The following NRXN3 variants were observed in gnomAD, a reference collection of about 807,000 sequenced individuals.
The protein encoded by NRXN3 is neurexin 3.
A neutral mutation model predicts 137.6 loss-of-function variants in NRXN3; 32 were observed. The observed-to-expected ratio is 0.23, with a 90% CI of 0.18 to 0.31. The LOEUF is 0.31. Among genes scored for constraint, NRXN3 ranks in the 10% least tolerant of loss-of-function variants. The pLI is 1.00. For synonymous variants in NRXN3, 798 were observed against 784.5 expected, an observed-to-expected ratio of 1.02 and a Z score of -0.29; for missense variants, 1,574 against 2,062.5, an observed-to-expected ratio of 0.76 and a Z score of 4.59.
chr14:78,586,527 G>C (rs1191675056), intron 4 of NRXN3, among the ~76,000 whole-genome samples: 2 of 152,200 alleles, frequency 1.3e-5, no homozygotes, highest in Non-Finnish European at 2.9e-5. Context: ...TAAGTATTCA[G>C]TAAATGCTCT....
rs539428370 is a variant in NRXN3 at position 78,290,416 on chromosome 14, C to T, written c.728-7415C>T. Among the ~76,000 whole-genome samples the T allele has an allele frequency of 3.3e-5, 5 of 152,212 alleles. No homozygotes were observed. In the East Asian group the frequency reaches 9.7e-4, roughly 29 times the overall value. On this transcript the variant is annotated intron_variant, in intron 3 of 20. Transcript: ENST00000335750. ...GGCTCTGCTGTAAGGAACTAGTGAA[C>T]CCTGGGCAGAAAAAGTAGATTCAGG...
intron 6 of NRXN3, among the ~76,000 whole-genome samples, chr14:78,654,435 T>C (rs2097770379): frequency 6.6e-6 from 1 of 152,276 alleles, no homozygotes; most frequent in African/African-American, 2.4e-5. Flanking sequence ...CTATGCAATT[T>C]CTGCTCCAGA....
At chr14:79,364,149 A>G (rs2093787701) in intron 15 of NRXN3, among the ~76,000 whole-genome samples, 1 of 152,110 alleles carries the variant, frequency 6.6e-6, no homozygotes, top group African/African-American at 2.4e-5. Flanking sequence ...TTGTTGCTTC[A>G]ATTCACTCCA....
At chr14:79,852,352 A>T (rs531950060) in intron 20 of NRXN3, among the ~76,000 whole-genome samples, 2 of 151,986 alleles carry the variant, frequency 1.3e-5, no homozygotes, top group South Asian at 2.1e-4. Flanking sequence ...AAGGCATGAA[A>T]CAAAACCCAG....
intron 15 of NRXN3, among the ~76,000 whole-genome samples, chr14:79,403,601 G>T (rs1306580195): frequency 6.6e-6 from 1 of 152,138 alleles, no homozygotes; most frequent in Non-Finnish European, 1.5e-5. Flanking sequence ...TGCATGGAGG[G>T]AGTGAGTAAA....
intron 4 of NRXN3, among the ~76,000 whole-genome samples, chr14:78,456,799 C>CTCTCTCTTTCTTTCTTTCTTTCTT (rs1555539840): frequency 2.0e-5 from 2 of 97,618 alleles, no homozygotes; most frequent in Non-Finnish European, 4.5e-5. Flanking sequence ...CTCTCTTTCT[C>CTCTCTCTTTCTTTCTTTCTTTCTT]TCTTTCTTTC....
intron 15 of NRXN3, among the ~76,000 whole-genome samples, chr14:79,056,207 TA>T (rs2099662054): frequency 6.6e-6 from 1 of 152,268 alleles, no homozygotes; most frequent in East Asian, 1.9e-4. Flanking sequence ...AGCTAACAGT[TA>T]AAAAAGTATT....
At chr14:78,991,126 G>A (rs1340165820) in intron 15 of NRXN3, among the ~76,000 whole-genome samples, 1 of 152,160 alleles carries the variant, frequency 6.6e-6, no homozygotes, top group Non-Finnish European at 1.5e-5. Context: ...AGTGGTGGGG[G>A]AAATTGCAAA....
chr14:79,336,796 G>A (rs2092293181), intron 15 of NRXN3, among the ~76,000 whole-genome samples: 1 of 152,146 alleles, frequency 6.6e-6, no homozygotes, highest in Non-Finnish European at 1.5e-5. Context: ...CATCTTTGTG[G>A]TTTCCATCCA....
chr14:79,083,866 G>A (rs1376824606), intron 15 of NRXN3, among the ~76,000 whole-genome samples: 2 of 152,170 alleles, frequency 1.3e-5, no homozygotes, highest in African/African-American at 4.8e-5. Flanking sequence ...TGATATGAAC[G>A]ATAGTGACTG....
chr14:79,159,497 T>C (rs1016360817), intron 15 of NRXN3, among the ~76,000 whole-genome samples: 1 of 151,908 alleles, frequency 6.6e-6, no homozygotes, highest in African/African-American at 2.4e-5. Context: ...ATGCTGCTAA[T>C]TGATAGTCCT....
intron 8 of NRXN3, among the ~76,000 whole-genome samples, chr14:78,761,366 G>A (rs1315761575): frequency 6.6e-6 from 1 of 152,176 alleles, no homozygotes; most frequent in Non-Finnish European, 1.5e-5. Context: ...CTGAGAGTGT[G>A]AAAGTCAAAA....
At chr14:79,499,139 A>G (rs2096795618) in intron 16 of NRXN3, among the ~76,000 whole-genome samples, 1 of 152,194 alleles carries the variant, frequency 6.6e-6, no homozygotes, top group African/African-American at 2.4e-5. Flanking sequence ...ATCCTCATGT[A>G]GCTTTATATT....
chr14:79,157,938 A>G (rs763266840), intron 15 of NRXN3, among the ~76,000 whole-genome samples: 3 of 151,806 alleles, frequency 2.0e-5, no homozygotes, highest in Non-Finnish European at 2.9e-5. Flanking sequence ...GACTGTTTGC[A>G]TATTGTTTTT....
Position 78,297,739 on chromosome 14 carries a change from G to T in NRXN3, c.728-92G>T, listed in dbSNP as rs1053407953. ...CTTTTTCCACTCAAGGATTAAGATT[G>T]TATTGCATTTGGGATTTTAACTTTG... On this transcript the variant is annotated intron_variant, in intron 3 of 20. Coordinates refer to ENST00000335750, the MANE Select transcript of NRXN3 (RefSeq NM_001330195.2). The T allele has an allele frequency of 3.1e-6, 3 of 956,286 alleles. No homozygotes were observed. The African/African-American group carries it at 4.9e-5, about 15-fold the overall frequency. The allele number at this position is 956,286 out of a possible 1,614,324, so 59.2% of individuals were successfully genotyped here. A position where few individuals can be genotyped will look rare whatever the true frequency, so the allele number is the denominator to read the frequency against.
At chr14:79,859,838 C>T (rs1025827629) in intron 20 of NRXN3, among the ~76,000 whole-genome samples, 4 of 152,144 alleles carry the variant, frequency 2.6e-5, no homozygotes, top group East Asian at 1.9e-4. Flanking sequence ...GGGAAACATT[C>T]GCAGCATCCC....
At chr14:78,351,701 G>C (rs2083514820) in intron 4 of NRXN3, among the ~76,000 whole-genome samples, 1 of 150,648 alleles carries the variant, frequency 6.6e-6, no homozygotes, top group South Asian at 2.1e-4. Context: ...TATTATTCTG[G>C]ATAACCACTC....
At chr14:79,223,894 G>A (rs2070311377) in intron 15 of NRXN3, among the ~76,000 whole-genome samples, 1 of 152,048 alleles carries the variant, frequency 6.6e-6, no homozygotes, top group South Asian at 2.1e-4. Flanking sequence ...TTAATAACGA[G>A]CTATTGCATG....
chr14:79,264,541 TG>T (rs2078145410), intron 15 of NRXN3, among the ~76,000 whole-genome samples: 3 of 151,870 alleles, frequency 2.0e-5, no homozygotes, highest in African/African-American at 4.8e-5. Flanking sequence ...TGTGTGTGTG[TG>T]TGTGTGTGTG....
Sources: allele counts gnomAD v4.1 joint callset (sites outside exome capture counted in the v4.1 genomes callset), GRCh38; gene constraint gnomAD v4.1.1; transcripts MANE v1.5; gene names NCBI Gene and HGNC (gene_info 2026-07-23, HGNC 2026-07-21).